MRTFB: variants seen among roughly 807,000 people sequenced by gnomAD.
The protein encoded by MRTFB is myocardin-related transcription factor B.
Under a neutral mutation model 104.2 loss-of-function variants are expected in MRTFB, and 29 were observed. The ratio of observed to expected loss-of-function variants is 0.28; its 90% CI spans 0.21 to 0.38. The LOEUF (loss-of-function observed/expected upper bound fraction) is 0.38, where lower values mean the gene tolerates loss of function less well. Among genes scored for constraint, MRTFB ranks in the 10% least tolerant of loss-of-function variants. MRTFB has a pLI of 1.00. For missense variants in MRTFB, 1,270 were observed against 1,341.6 expected (o/e 0.95, Z 0.83); for synonymous variants, 535 against 519.5 (o/e 1.03, Z -0.41).
chr16:14,236,452 A>G (rs566255399), intron 9 of MRTFB, among the ~76,000 whole-genome samples: 1 of 152,344 alleles, frequency 6.6e-6, no homozygotes, highest in African/African-American at 2.4e-5. Context: ...AAGGAACAAA[A>G]GATCACAAAT....
chr16:14,061,947 G>A, the MRTFB span, among the ~76,000 whole-genome samples: 1 of 152,120 alleles, frequency 6.6e-6, no homozygotes, highest in Non-Finnish European at 1.5e-5. Flanking sequence ...AAATATTTGG[G>A]CTTCAAAGAA....
intron 5 of MRTFB, 24 bp from the exon 6 acceptor site, chr16:14,213,521 G>T: frequency 6.6e-7 from 1 of 1,521,720 alleles, no homozygotes; most frequent in South Asian, 1.2e-5. Flanking sequence ...ATGATTTATG[G>T]TAAGACTTTT....
intron 2 of MRTFB, among the ~76,000 whole-genome samples, chr16:14,086,274 T>G (rs1311991242): frequency 6.6e-6 from 1 of 152,190 alleles, no homozygotes; most frequent in African/African-American, 2.4e-5. Flanking sequence ...ATAGAATAAT[T>G]AATAGATTCA....
At chr16:14,212,262 G>A (rs226778) in intron 4 of MRTFB, 92 bp from the exon 5 acceptor site, 143,907 of 1,246,240 alleles carry the variant, frequency 0.12, 17,611 homozygotes, top group African/African-American at 0.56. Flanking sequence ...GTTGTGATCT[G>A]TTAATAATAG....
intron 9 of MRTFB, 115 bp from the exon 10 acceptor site, chr16:14,240,122 T>C (rs990479059): frequency 5.8e-5 from 73 of 1,261,492 alleles, no homozygotes; most frequent in Non-Finnish European, 7.3e-5. Flanking sequence ...CCAAAGTGGC[T>C]GTACCCGTAT....
At chr16:14,124,371 T>G (rs1010335260) in intron 2 of MRTFB, among the ~76,000 whole-genome samples, 2 of 152,234 alleles carry the variant, frequency 1.3e-5, no homozygotes, top group African/African-American at 4.8e-5. Context: ...TTCCAGTTTT[T>G]GCCCATTCGG....
chr16:14,153,480 G>A (rs1331798113), intron 3 of MRTFB, among the ~76,000 whole-genome samples: 1 of 152,172 alleles, frequency 6.6e-6, no homozygotes, highest in East Asian at 1.9e-4. Flanking sequence ...TCATGTAGCT[G>A]TTTGGATTGC....
chr16:14,257,386 CA>C (rs2043541778), intron 15 of MRTFB, among the ~76,000 whole-genome samples: 1 of 152,080 alleles, frequency 6.6e-6, no homozygotes, highest in Non-Finnish European at 1.5e-5. Context: ...TGTTTCCATA[CA>C]ATGCAATGCT....
At chr16:13,998,871 CAAAAAAAAAAAAAAAAAAAAAAA>C in the MRTFB span, among the ~76,000 whole-genome samples, 52 of 29,684 alleles carry the variant, frequency 1.8e-3, no homozygotes, top group Admixed American at 3.0e-3. Context: ...GACTCTGTTT[CAAAAAAAAAAAAAAAAAAAAAAA>C]AAAAAAAAAA....
At chr16:14,081,544 C>A (rs573194585) in intron 2 of MRTFB, among the ~76,000 whole-genome samples, 2 of 152,128 alleles carry the variant, frequency 1.3e-5, no homozygotes, top group Non-Finnish European at 2.9e-5. Flanking sequence ...CCACCCGCCT[C>A]GGCCTCCCAA....
At chr16:14,042,282 C>T in the MRTFB span, among the ~76,000 whole-genome samples, 4 of 152,026 alleles carry the variant, frequency 2.6e-5, no homozygotes, top group Non-Finnish European at 4.4e-5. Flanking sequence ...CCCGCCACCA[C>T]GCCGGGCTAA....
At chr16:14,058,962 C>T in the MRTFB span, among the ~76,000 whole-genome samples, 77 of 152,020 alleles carry the variant, frequency 5.1e-4, no homozygotes, top group African/African-American at 1.6e-3. Flanking sequence ...TCAAGTGATC[C>T]GCCTGCCTCG....
chr16:14,044,763 C>T, the MRTFB span, among the ~76,000 whole-genome samples: 1,220 of 152,274 alleles, frequency 8.0e-3, 16 homozygotes, highest in African/African-American at 0.028. Flanking sequence ...ATTTCCTTCC[C>T]CTCCTCTGTC....
chr16:14,036,063 C>T, the MRTFB span, among the ~76,000 whole-genome samples: 3 of 141,290 alleles, frequency 2.1e-5, no homozygotes, highest in Admixed American at 7.8e-5. Context: ...TAATTCATTC[C>T]TTTTTATGGC....
intron 8 of MRTFB, among the ~76,000 whole-genome samples, chr16:14,219,777 T>A (rs2041601696): frequency 6.6e-6 from 1 of 152,196 alleles, no homozygotes; most frequent in South Asian, 2.1e-4. Flanking sequence ...GAAATATGTT[T>A]ATTTGTTTGT....
rs1292882076 is a variant in MRTFB, at chr16:14,101,743, T to G, written c.-64+22389T>G. On this transcript the variant is annotated intron_variant, in intron 2 of 16. Coordinates refer to ENST00000571589, the MANE Select transcript of MRTFB (RefSeq NM_001308142.2). ...ATAAAGATCTACATCAGTATCCCACTGAAAACTTAGGGTCACTTAGTAACA... is the reference window on the plus strand; with the variant it reads ...ATAAAGATCTACATCAGTATCCCACGGAAAACTTAGGGTCACTTAGTAACA... Among the ~76,000 whole-genome samples, 4 of 152,342 alleles carry G rather than the reference T, an allele frequency of 2.6e-5. No homozygotes were observed. The South Asian group carries it at 6.2e-4, about 24-fold the overall frequency.
At chr16:14,190,088 T>A (rs1361737686) in intron 3 of MRTFB, among the ~76,000 whole-genome samples, 1 of 152,202 alleles carries the variant, frequency 6.6e-6, no homozygotes, top group Non-Finnish European at 1.5e-5. Flanking sequence ...ATAAAGCATA[T>A]CATCTCACAG....
chr16:14,229,805 G>A (rs972127150), intron 8 of MRTFB, among the ~76,000 whole-genome samples: 1 of 151,612 alleles, frequency 6.6e-6, no homozygotes, highest in African/African-American at 2.4e-5. Flanking sequence ...ACATTTTCTT[G>A]TATGGGTTTC....
chr16:14,145,035 A>T (rs9929273), intron 3 of MRTFB, among the ~76,000 whole-genome samples: 8,782 of 148,922 alleles, frequency 0.059, 426 homozygotes, highest in African/African-American at 0.13. Context: ...TTCAAAATAA[A>T]AGCAAATATA....
Sources: gnomAD v4.1 joint callset for allele counts (sites outside exome capture counted in the v4.1 genomes callset) on GRCh38, gnomAD v4.1.1 for gene constraint, MANE v1.5 for transcripts, NCBI Gene and HGNC (gene_info 2026-07-23, HGNC 2026-07-21) for gene names.